LRRC37A2: variants seen among roughly 807,000 people sequenced by gnomAD.
LRRC37A2 encodes leucine rich repeat containing 37 member A2, also known as leucine-rich repeat-containing protein 37A2.
Under a neutral mutation model 68.8 loss-of-function variants are expected in LRRC37A2, and 9 were observed. That is an observed-to-expected ratio of 0.13 (90% CI 0.08 to 0.23). The LOEUF (loss-of-function observed/expected upper bound fraction) is 0.23, where lower values mean the gene tolerates loss of function less well. Ranked by LOEUF, LRRC37A2 falls within the 10% of genes least tolerant of loss-of-function variation. The probability of loss-of-function intolerance (pLI) is 1.00; values close to 1 mark genes in which losing one functional copy is unlikely to be tolerated. For missense variants in LRRC37A2, 168 were observed against 950.4 expected (o/e 0.18, Z 10.82); for synonymous variants, 63 against 367.6 (o/e 0.17, Z 9.48).
chr17:46,758,241 G>C, the LRRC37A2 span, among the ~76,000 whole-genome samples: 2 of 152,222 alleles, frequency 1.3e-5, no homozygotes, highest in Admixed American at 6.5e-5. Context: ...CATTGGCTCA[G>C]TTTAGGACAG....
chr17:46,904,194 A>ACG, the LRRC37A2 span, among the ~76,000 whole-genome samples: 3 of 110,274 alleles, frequency 2.7e-5, no homozygotes, highest in South Asian at 3.4e-4. Flanking sequence ...GTGGCTGGTT[A>ACG]GCTGGATATA....
the LRRC37A2 span, among the ~76,000 whole-genome samples, chr17:46,475,803 A>G: frequency 1.1e-5 from 1 of 89,758 alleles, no homozygotes; most frequent in African/African-American, 3.8e-5. Context: ...TCTGAAGATG[A>G]CTTCTGGGGA....
At chr17:46,679,841 G>GAAAT in the LRRC37A2 span, among the ~76,000 whole-genome samples, 9 of 151,590 alleles carry the variant, frequency 5.9e-5, no homozygotes, top group Non-Finnish European at 1.2e-4. Context: ...AGGCAAGAAA[G>GAAAT]AAATAACAAG....
the LRRC37A2 span, among the ~76,000 whole-genome samples, chr17:46,463,865 T>C: frequency 3.3e-5 from 1 of 30,422 alleles, no homozygotes; most frequent in African/African-American, 4.6e-5. Context: ...CATCCCGTCT[T>C]CAAAAAAAAA....
chr17:46,865,555 C>G, the LRRC37A2 span, among the ~76,000 whole-genome samples: 1 of 152,078 alleles, frequency 6.6e-6, no homozygotes, highest in Non-Finnish European at 1.5e-5. Context: ...GGGAGCCAGA[C>G]AGGAGGAACG....
the LRRC37A2 span, among the ~76,000 whole-genome samples, chr17:46,911,958 A>G: frequency 3.3e-5 from 5 of 152,200 alleles, no homozygotes; most frequent in East Asian, 9.6e-4. Flanking sequence ...TGAGATCATT[A>G]TTAGTGAGAG....
At chr17:46,759,943 G>T in the LRRC37A2 span, among the ~76,000 whole-genome samples, 1 of 152,156 alleles carries the variant, frequency 6.6e-6, no homozygotes, top group Admixed American at 6.5e-5. Context: ...ACATGTTCAA[G>T]CACAGCTATC....
chr17:46,872,572 C>G, the LRRC37A2 span: 1 of 1,599,602 alleles, frequency 6.3e-7, no homozygotes, highest in Non-Finnish European at 8.5e-7. Flanking sequence ...TGCGGCAGCC[C>G]CGGCACAGGG....
the LRRC37A2 span, among the ~76,000 whole-genome samples, chr17:46,972,513 T>G: frequency 3.9e-5 from 6 of 152,252 alleles, no homozygotes; most frequent in African/African-American, 7.2e-5. Flanking sequence ...TTCAGGTTTG[T>G]CAGCCTCCCC....
At chr17:46,829,769 G>A in the LRRC37A2 span, among the ~76,000 whole-genome samples, 1 of 151,960 alleles carries the variant, frequency 6.6e-6, no homozygotes, top group Non-Finnish European at 1.5e-5. Context: ...GATGGGAGTA[G>A]GGGGTGGGGG....
chr17:46,898,846 C>T, the LRRC37A2 span, among the ~76,000 whole-genome samples: 7 of 152,162 alleles, frequency 4.6e-5, no homozygotes, highest in Non-Finnish European at 1.0e-4. Context: ...CTCTGGAAAA[C>T]GGTCTGGCAG....
the LRRC37A2 span, among the ~76,000 whole-genome samples, chr17:46,863,874 C>T: frequency 1.3e-5 from 2 of 152,090 alleles, no homozygotes; most frequent in African/African-American, 4.8e-5. Flanking sequence ...CAGGGGGTGT[C>T]CTGGACTACT....
At chr17:46,917,152 CAA>C in the LRRC37A2 span, 1 of 152,126 alleles carries the variant, frequency 6.6e-6, no homozygotes, top group African/African-American at 2.4e-5. Flanking sequence ...CCAATAGTCC[CAA>C]AAGTCTTAAC....
the LRRC37A2 span, among the ~76,000 whole-genome samples, chr17:46,956,979 G>T: frequency 6.6e-6 from 1 of 152,210 alleles, no homozygotes; most frequent in East Asian, 1.9e-4. Flanking sequence ...GGTTGCGGGG[G>T]TGAGCTGGGC....
chr17:46,953,451 T>C, the LRRC37A2 span, among the ~76,000 whole-genome samples: 5 of 152,270 alleles, frequency 3.3e-5, no homozygotes, highest in Non-Finnish European at 7.3e-5. Flanking sequence ...CTATCATTGT[T>C]GGACATTTGG....
At chr17:46,977,574 G>A in the LRRC37A2 span, among the ~76,000 whole-genome samples, 8 of 152,218 alleles carry the variant, frequency 5.3e-5, no homozygotes, top group African/African-American at 1.9e-4. Flanking sequence ...TCCTGTAATG[G>A]GAGGCTCCAA....
the LRRC37A2 span, among the ~76,000 whole-genome samples, chr17:46,404,922 G>A: frequency 9.8e-6 from 1 of 102,208 alleles, no homozygotes; most frequent in Non-Finnish European, 2.2e-5. Context: ...AAATGGTGTG[G>A]CTGGACGCAG....
chr17:46,847,967 A>AGTGTGTGTGTGTGTGTGT, the LRRC37A2 span, among the ~76,000 whole-genome samples: 7 of 149,702 alleles, frequency 4.7e-5, no homozygotes, highest in Admixed American at 2.0e-4. Context: ...TGATTTCCAA[A>AGTGTGTGTGTGTGTGTGT]GTGTGTGTGT....
the LRRC37A2 span, among the ~76,000 whole-genome samples, chr17:46,892,171 G>C: frequency 6.6e-6 from 1 of 151,780 alleles, no homozygotes; most frequent in Non-Finnish European, 1.5e-5. Flanking sequence ...CACTTGCCTC[G>C]GCCTCCCAAA....
Sources: gnomAD v4.1 joint callset for allele counts (sites outside exome capture counted in the v4.1 genomes callset) on GRCh38, gnomAD v4.1.1 for gene constraint, MANE v1.5 for transcripts, NCBI Gene and HGNC (gene_info 2026-07-23, HGNC 2026-07-21) for gene names.